The following RBBP6 variants were observed in gnomAD, a reference collection of about 807,000 sequenced individuals.
RBBP6 encodes the protein RB binding protein 6, ubiquitin ligase.
Under a neutral mutation model 167.7 loss-of-function variants are expected in RBBP6, and 25 were observed. The observed-to-expected ratio is 0.15, with a 90% CI of 0.11 to 0.21. The LOEUF is 0.21. RBBP6 is among the 10% of genes least tolerant of loss of function. RBBP6 has a pLI of 1.00. For synonymous variants in RBBP6, 789 were observed against 735.8 expected (o/e 1.07, Z -1.17); for missense variants, 1,868 against 2,134.2 (o/e 0.88, Z 2.46).
chr16:24,562,439 C>T (rs986195852), intron 10 of RBBP6, among the ~76,000 whole-genome samples: 3 of 152,132 alleles, frequency 2.0e-5, no homozygotes, highest in Non-Finnish European at 2.9e-5. Context: ...CAGCTCTGAA[C>T]TTAACAGAGG....
At chr16:24,558,904 G>C (rs926001067) in intron 7 of RBBP6, among the ~76,000 whole-genome samples, 1 of 151,998 alleles carries the variant, frequency 6.6e-6, no homozygotes, top group African/African-American at 2.4e-5. Flanking sequence ...GTAGATCATG[G>C]GTTTTGGTAT....
rs1339242179 is a variant in RBBP6 at position 24,571,818 on chromosome 16, CAAT to C, written c.4755_4757del (p.Asn1585del). 7 of 1,613,942 alleles carry C rather than the reference CAAT, an allele frequency of 4.3e-6. No homozygotes were observed. Among genetic ancestry groups the C allele is most frequent in the Non-Finnish European group, 5.9e-6 (7 of 1,179,948 alleles). On this transcript the variant is annotated inframe_deletion, in exon 18 of 18. Transcript: ENST00000319715. ...CAAGGAACAATAAAGAGTCAAGTGGCAATAAACTACTTTATATACTTAACCCAC... is the reference window on the plus strand; with the variant it reads ...CAAGGAACAATAAAGAGTCAAGTGGCAAACTACTTTATATACTTAACCCAC...
chr16:24,570,871 T>C lies in RBBP6; in HGVS notation c.3810-5T>C. 2 of 1,452,706 alleles carry C rather than the reference T, an allele frequency of 1.4e-6. No homozygotes were observed. The highest frequency in any genetic ancestry group is 1.8e-4 in the Middle Eastern group (1 of 5,422). The allele number at this position is 1,452,706 out of a possible 1,614,324, so 90.0% of individuals were successfully genotyped here. ...TAATTAAAAATATTTTGTTATTCTT[T>C]TTAGTACGAGCTCAACTGGAGGCAG... On this transcript the variant is annotated splice_polypyrimidine_tract_variant and splice_region_variant and intron_variant, in intron 17 of 17. Transcript: ENST00000319715.
chr16:24,554,412 G>C (rs1363417814), intron 4 of RBBP6: 3 of 151,942 alleles, frequency 2.0e-5, no homozygotes, highest in Non-Finnish European at 4.4e-5. Flanking sequence ...TAGCAACCAA[G>C]ATTAATGAAA....
At chr16:24,562,256 A>G in intron 10 of RBBP6, 95 bp downstream of exon 10, 2 of 1,144,190 alleles carry the variant, frequency 1.7e-6, no homozygotes, top group Non-Finnish European at 2.5e-6. Flanking sequence ...TTCTTAGTGG[A>G]CCACTGTGCT....
At chr16:24,567,581 G>T in intron 15 of RBBP6, 76 bp downstream of exon 15, 1 of 1,453,706 alleles carries the variant, frequency 6.9e-7, no homozygotes, top group East Asian at 2.4e-5. Flanking sequence ...GTCTGGAAAC[G>T]TTTTCCAGTG....
intron 7 of RBBP6, 47 bp from the exon 8 acceptor site, chr16:24,559,458 A>T (rs754475421): frequency 3.2e-5 from 47 of 1,476,040 alleles, no homozygotes; most frequent in Non-Finnish European, 4.2e-5. Context: ...TAGCATGAGT[A>T]CTCTGCCTTC....
chr16:24,546,794 G>C (rs938388156), intron 2 of RBBP6, among the ~76,000 whole-genome samples: 3 of 152,128 alleles, frequency 2.0e-5, no homozygotes, highest in Non-Finnish European at 2.9e-5. Flanking sequence ...TGTGACTTTG[G>C]ACCTTGGGTA....
At chr16:24,557,156 G>T (rs543230073) in intron 7 of RBBP6, among the ~76,000 whole-genome samples, 4 of 151,760 alleles carry the variant, frequency 2.6e-5, no homozygotes, top group African/African-American at 9.7e-5. Flanking sequence ...CCGCCACCAC[G>T]CCCGGCTAAT....
Position 24,563,277 on chromosome 16 carries a change from C to A in RBBP6, c.1368C>A (p.Thr456=), listed in dbSNP as rs761834743. 3 of 1,609,986 alleles carry A rather than the reference C, an allele frequency of 1.9e-6. No individual in the cohort carries two copies. The highest frequency in any genetic ancestry group is 8.5e-7 in the Non-Finnish European group (1 of 1,178,034). Residue 456 remains threonine (T), a synonymous_variant, in exon 11 of 18, where the codon ACC becomes ACA. Coordinates refer to ENST00000319715, the MANE Select transcript of RBBP6 (RefSeq NM_006910.5). ...AGGGAACCTCCTCAATTGCAATTAC[C>A]GCTCTTATGGAAGAGAAGGTAAATT... is the stretch of plus-strand genomic sequence containing the variant. ...HSKGTSSIAI[T]ALMEEKGYQV... is the part of the protein sequence containing the mutation.
chr16:24,545,068 C>G (rs1898606925), intron 1 of RBBP6, among the ~76,000 whole-genome samples: 1 of 152,140 alleles, frequency 6.6e-6, no homozygotes, highest in Non-Finnish European at 1.5e-5. Context: ...AGTTTGTGCT[C>G]CACATTGGTG....
intron 3 of RBBP6, 168 bp from the exon 4 acceptor site, chr16:24,553,345 T>C (rs1324326440): frequency 5.7e-6 from 3 of 526,904 alleles, no homozygotes; most frequent in Non-Finnish European, 1.0e-5. Context: ...GTGTGAAATA[T>C]CTAGAGAAGA....
In RBBP6 at chr16:24,567,804, G is replaced by A; in HGVS notation, c.1965G>A (p.Lys655=). The change falls in exon 16 of 18, where the codon AAG becomes AAA. Residue 655 remains lysine (K), a synonymous_variant. Coordinates refer to ENST00000319715, the MANE Select transcript of RBBP6 (RefSeq NM_006910.5). ...TTTATTTTACTAGGGAAAAGAAAAA[G>A]TCCAAGCTAGATGAGTTTACAAATG... ...QRRLKEEEKK[K]SKLDEFTNDF... 6.2e-7 allele frequency: 1 copy of A among 1,611,376 alleles called. No individual in the cohort carries two copies. The highest frequency in any genetic ancestry group is 8.5e-7 in the Non-Finnish European group (1 of 1,178,588).
intron 1 of RBBP6, among the ~76,000 whole-genome samples, chr16:24,541,123 A>G (rs1898475065): frequency 6.8e-6 from 1 of 147,512 alleles, no homozygotes; most frequent in African/African-American, 2.5e-5. Flanking sequence ...GGCGTTTTCT[A>G]ACTTATTTTC....
Position 24,572,121 on chromosome 16 carries a change from G to A in RBBP6, c.5055G>A (p.Val1685=), listed in dbSNP as rs778923087. 5.0e-6 allele frequency: 8 copies of A among 1,614,108 alleles called. No homozygotes were observed. In the South Asian group the frequency reaches 7.7e-5, roughly 16 times the overall value. ...ESLDTAAVVQ[V]GISRNQSHSS... ...TGGACACAGCAGCAGTTGTCCAGGT[G>A]GGCATAAGCAGGAATCAGAGCCACA... Residue 1685 remains valine (V), a synonymous_variant, in exon 18 of 18, where the codon GTG becomes GTA. Coordinates refer to ENST00000319715, the MANE Select transcript of RBBP6 (RefSeq NM_006910.5).
At chr16:24,567,635 C>A in intron 15 of RBBP6, 130 bp downstream of exon 15, 1 of 1,311,418 alleles carries the variant, frequency 7.6e-7, no homozygotes, top group Non-Finnish European at 1.0e-6. Flanking sequence ...TAAACCAAAG[C>A]CATACAAGCA....
rs1323437491 is a variant in RBBP6 at position 24,570,124 on chromosome 16, AAAAAAG to A, written c.3446_3451del (p.Arg1149_Lys1150del). The A allele has an allele frequency of 5.0e-6, 8 of 1,588,092 alleles. No homozygotes were observed. Among genetic ancestry groups the A allele is most frequent in the African/African-American group, 2.7e-5 (2 of 72,890 alleles). On this transcript the variant is annotated inframe_deletion, in exon 17 of 18. Transcript: ENST00000319715. ...AACAAACCACTTGATAATAAGGGAG[AAAAAAG>A]AAAAAGAAAAACTGAAGAAAAAGGC...
intron 8 of RBBP6, among the ~76,000 whole-genome samples, chr16:24,560,342 G>A (rs1048877398): frequency 2.0e-5 from 3 of 152,190 alleles, no homozygotes; most frequent in South Asian, 4.2e-4. Context: ...TCCTGACCTC[G>A]TGATCCGCCC....
intron 8 of RBBP6, among the ~76,000 whole-genome samples, chr16:24,560,656 T>C (rs545096909): frequency 1.3e-5 from 2 of 152,154 alleles, no homozygotes; most frequent in African/African-American, 2.4e-5. Context: ...TCATAAATAT[T>C]TGGGGGCAAG....
Sources: gnomAD v4.1 joint callset for allele counts (sites outside exome capture counted in the v4.1 genomes callset) on GRCh38, gnomAD v4.1.1 for gene constraint, MANE v1.5 for transcripts, NCBI Gene and HGNC (gene_info 2026-07-23, HGNC 2026-07-21) for gene names.